UBXN8: variants seen among roughly 807,000 people sequenced by gnomAD.
UBXN8 encodes the protein UBX domain protein 8.
In UBXN8, 27 loss-of-function variants were observed where a neutral mutation model predicts 32.1. The ratio of observed to expected loss-of-function variants is 0.84; its 90% CI spans 0.62 to 1.16. UBXN8 has a LOEUF of 1.16. Among genes scored for constraint, UBXN8 ranks in the 50% most tolerant of loss-of-function variants. The pLI, the probability that UBXN8 is intolerant of heterozygous loss-of-function variation, is 0.00. For missense variants in UBXN8, 306 were observed against 311.4 expected (o/e 0.98, Z 0.13); for synonymous variants, 109 against 111.8 (o/e 0.98, Z 0.16).
At chr8:30,762,201 C>T (rs750044123) in intron 6 of UBXN8, among the ~76,000 whole-genome samples, 1 of 151,522 alleles carries the variant, frequency 6.6e-6, no homozygotes, top group Non-Finnish European at 1.5e-5. Flanking sequence ...GTAACTAGGA[C>T]TGCAGGCATG....
chr8:30,760,441 A>ATTTTT lies in UBXN8; in HGVS notation c.529-446_529-445insTTTTT, dbSNP rs1263036658. Among the ~76,000 whole-genome samples, 66 of 49,112 alleles carry ATTTTT rather than the reference A, an allele frequency of 1.3e-3. 1 individual carries two copies. Among genetic ancestry groups the ATTTTT allele is most frequent in the African/African-American group, 3.0e-3 (52 of 17,062 alleles). The allele number at this position is 49,112 out of a possible 152,430, so 32.2% of individuals were successfully genotyped here. A position where few individuals can be genotyped will look rare whatever the true frequency, so the allele number is the denominator to read the frequency against. On this transcript the variant is annotated intron_variant, in intron 5 of 7. Transcript: ENST00000265616. Reference sequence around the variant, plus strand: ...CAATCATATATATATATATATATATATATTTTTTTTTTTTTTTAAAGTGAC... The same window carrying ATTTTT: ...CAATCATATATATATATATATATATATTTTTTATTTTTTTTTTTTTTTAAAGTGAC...
intron 7 of UBXN8, among the ~76,000 whole-genome samples, chr8:30,765,023 C>A (rs190054733): frequency 1.5e-3 from 228 of 152,302 alleles, no homozygotes; most frequent in African/African-American, 5.3e-3. Context: ...GCACTCCAGT[C>A]TGGGAGACAG....
intron 1 of UBXN8, among the ~76,000 whole-genome samples, chr8:30,749,399 A>AAAAAT (rs1554577884): frequency 1.7e-4 from 13 of 77,736 alleles, no homozygotes; most frequent in African/African-American, 5.4e-4. Context: ...TCTCAAAAAA[A>AAAAAT]AAAAATAAAA....
At position 30,766,885 on chromosome 8, in the gene UBXN8, C is replaced by T. The variant is rs1187996020; in HGVS notation, c.*491C>T. ...TCTGTTGGGTGTGCATTACAGTTTA[C>T]TTAACTGATGTTTGCGATTTATATA... On this transcript the variant is annotated 3_prime_UTR_variant, in exon 8 of 8. Transcript: ENST00000265616. The T allele has an allele frequency of 6.6e-6, 1 of 152,058 alleles. No homozygotes were observed. Among genetic ancestry groups the T allele is most frequent in the Non-Finnish European group, 1.5e-5 (1 of 68,042 alleles). The allele number at this position is 152,058 out of a possible 1,614,324, so 9.4% of individuals were successfully genotyped here.
At chr8:30,730,489 T>C (rs1277401161), upstream of UBXN8, among the ~76,000 whole-genome samples, 1 of 152,044 alleles carries the variant, frequency 6.6e-6, no homozygotes, top group Admixed American at 6.6e-5. Context: ...ACTAAGTGGC[T>C]AGGGGAACAT....
Position 30,744,290 on chromosome 8 carries a change from T to G in UBXN8, c.88+13T>G. 5 of 1,610,638 alleles carry G rather than the reference T, an allele frequency of 3.1e-6. No individual in the cohort carries two copies. In the South Asian group the frequency reaches 4.4e-5, roughly 14 times the overall value. ...ATCCCGGATATAGGTAAGTGTGACT[T>G]TTTCCCTTCGACAGTCACAGCTGGG... On this transcript the variant is annotated intron_variant, in intron 1 of 7. Transcript: ENST00000265616.
rs28514980 is a variant in UBXN8 at position 30,746,526 on chromosome 8, C to T, written c.88+2249C>T. Among the ~76,000 whole-genome samples the T allele has an allele frequency of 5.5e-3, 611 of 110,340 alleles. 48 individuals are homozygous for T. The highest frequency in any genetic ancestry group is 0.021 in the African/African-American group (519 of 24,258). The allele number at this position is 110,340 out of a possible 152,430, so 72.4% of individuals were successfully genotyped here. On this transcript the variant is annotated intron_variant, in intron 1 of 7. Coordinates refer to ENST00000265616, the MANE Select transcript of UBXN8 (RefSeq NM_005671.4). Reference sequence around the variant, plus strand: ...TGTACTTAAGCTAGATTTTTTTTTTCTTTTTTTTTTTTTTGAGACGGAGTC... The same window carrying T: ...TGTACTTAAGCTAGATTTTTTTTTTTTTTTTTTTTTTTTTGAGACGGAGTC...
intron 7 of UBXN8, among the ~76,000 whole-genome samples, chr8:30,764,477 C>G (rs1183165782): frequency 6.6e-6 from 1 of 152,070 alleles, no homozygotes; most frequent in African/African-American, 2.4e-5. Context: ...GCCCATTTTA[C>G]TATTTATGTA....
At chr8:30,737,963 G>A (rs1805104004) in intron 1 of UBXN8, among the ~76,000 whole-genome samples, 1 of 152,110 alleles carries the variant, frequency 6.6e-6, no homozygotes, top group Non-Finnish European at 1.5e-5. Flanking sequence ...AAAGCTTTTA[G>A]AAGAAAATAT....
Position 30,760,934 on chromosome 8 carries a change from G to C in UBXN8, c.570+5G>C. ...CCTTCTCAAACAGCAGAAGAAGTAA[G>C]TCTATTTTTCTCTTCGAAAATTAAA... On this transcript the variant is annotated splice_donor_5th_base_variant and intron_variant, in intron 6 of 7. Transcript: ENST00000265616. 6.6e-7 allele frequency: 1 copy of C among 1,521,268 alleles called. No individual in the cohort carries two copies. The highest frequency in any genetic ancestry group is 8.9e-7 in the Non-Finnish European group (1 of 1,129,550). The allele number at this position is 1,521,268 out of a possible 1,614,324, so 94.2% of individuals were successfully genotyped here. A position where few individuals can be genotyped will look rare whatever the true frequency, so the allele number is the denominator to read the frequency against.
At chr8:30,736,043 T>G (rs1317692899) in intron 1 of UBXN8, among the ~76,000 whole-genome samples, 1 of 152,232 alleles carries the variant, frequency 6.6e-6, no homozygotes, top group Admixed American at 6.5e-5. Flanking sequence ...TTTTTCATGT[T>G]CCATGTATGA....
At chr8:30,758,136 T>A (rs933180343) in intron 5 of UBXN8, among the ~76,000 whole-genome samples, 2 of 152,108 alleles carry the variant, frequency 1.3e-5, no homozygotes, top group African/African-American at 4.8e-5. Flanking sequence ...GACCACGTGA[T>A]CCGCCCGCCT....
intron 5 of UBXN8, 50 bp from the exon 6 acceptor site, chr8:30,760,838 T>G: frequency 1.6e-6 from 2 of 1,269,624 alleles, no homozygotes; most frequent in South Asian, 2.7e-5. Flanking sequence ...TCATTGACAC[T>G]TTTGCTTGTT....
At chr8:30,735,572 C>G (rs757770083) in intron 1 of UBXN8, among the ~76,000 whole-genome samples, 1 of 152,158 alleles carries the variant, frequency 6.6e-6, no homozygotes, top group Non-Finnish European at 1.5e-5. Flanking sequence ...AGCTCAGTGG[C>G]TCACGCCTAT....
Position 30,754,568 on chromosome 8 carries a change from G to C in UBXN8, c.283-97G>C, listed in dbSNP as rs557787703. The C allele has an allele frequency of 8.3e-5, 120 of 1,451,488 alleles. 1 individual carries two copies. The South Asian group carries it at 1.5e-3, about 18-fold the overall frequency. 89.9% of individuals were successfully genotyped at this position (1,451,488 alleles called of 1,614,324 possible). A position where few individuals can be genotyped will look rare whatever the true frequency, so the allele number is the denominator to read the frequency against. The stretch of plus-strand genomic sequence containing the variant: ...GGCAGTGGCTCTGTTCAGCCAGCAG[G>C]GTTCTTACTTGGTTCTTATTTACAA... On this transcript the variant is annotated intron_variant, in intron 3 of 7. Transcript: ENST00000265616.
chr8:30,740,907 A>G (rs16877322), upstream of UBXN8, among the ~76,000 whole-genome samples: 39,177 of 152,108 alleles, frequency 0.26, 5,919 homozygotes, highest in African/African-American at 0.42. Flanking sequence ...GTTGCTCATC[A>G]GGCTGCAAAG....
rs185685457 is a variant in UBXN8 at position 30,748,162 on chromosome 8, G to T, written c.89-3234G>T. The stretch of plus-strand genomic sequence containing the variant: ...TTTTTTTGAGATGGAGTCTCACTCT[G>T]TCACCCAGGCTGGAGCGCAGTGGTG... On this transcript the variant is annotated intron_variant, in intron 1 of 7. Coordinates refer to ENST00000265616, the MANE Select transcript of UBXN8 (RefSeq NM_005671.4). Among the ~76,000 whole-genome samples the T allele has an allele frequency of 3.5e-3, 517 of 148,908 alleles. 3 individuals carry two copies. The highest frequency in any genetic ancestry group is 4.7e-3 in the Non-Finnish European group (316 of 67,444).
Position 30,736,339 on chromosome 8 carries a change from C to T in UBXN8, c.622+3031C>T, listed in dbSNP as rs142612245. 4.1e-3 allele frequency among the ~76,000 whole-genome samples: 621 copies of T among 152,308 alleles called. 2 individuals are homozygous for T. The highest frequency in any genetic ancestry group is 0.013 in the African/African-American group (547 of 41,564). ...ACACATGCACTGAGGATCTCTTTCA[C>T]GCTTTTGATCTCATTTCAGTAACAT... On this transcript the variant is annotated intron_variant, in intron 1 of 1. Transcript: ENST00000522968.
intron 7 of UBXN8, among the ~76,000 whole-genome samples, chr8:30,764,096 C>T (rs571807820): frequency 1.3e-5 from 2 of 152,292 alleles, no homozygotes; most frequent in East Asian, 3.9e-4. Flanking sequence ...CATGCCAAAA[C>T]CAGTTACTAA....
Sources: gnomAD v4.1 joint callset for allele counts (sites outside exome capture counted in the v4.1 genomes callset) on GRCh38, gnomAD v4.1.1 for gene constraint, MANE v1.5 for transcripts, NCBI Gene and HGNC (gene_info 2026-07-23, HGNC 2026-07-21) for gene names.